The following RABGAP1L variants were observed in gnomAD, a reference collection of about 807,000 sequenced individuals.
The protein encoded by RABGAP1L is rab GTPase-activating protein 1-like.
Under a neutral mutation model 137.7 loss-of-function variants are expected in RABGAP1L, and 63 were observed. That is an observed-to-expected ratio of 0.46 (90% CI 0.37 to 0.56). RABGAP1L has a LOEUF of 0.56. Ranked by LOEUF, RABGAP1L falls within the 20% of genes least tolerant of loss-of-function variation. RABGAP1L has a pLI of 0.00. For synonymous variants in RABGAP1L, 431 were observed against 433.7 expected, an observed-to-expected ratio of 0.99 and a Z score of 0.08; for missense variants, 1,095 against 1,244.0, an observed-to-expected ratio of 0.88 and a Z score of 1.80.
intron 13 of RABGAP1L, among the ~76,000 whole-genome samples, chr1:174,503,412 A>G (rs1661509870): frequency 6.6e-6 from 1 of 152,190 alleles, no homozygotes; most frequent in Non-Finnish European, 1.5e-5. Flanking sequence ...CTGTAATCCC[A>G]GCACTTTGGG....
chr1:174,501,260 C>G (rs79708672), intron 13 of RABGAP1L, among the ~76,000 whole-genome samples: 1,804 of 150,428 alleles, frequency 0.012, 48 homozygotes, highest in African/African-American at 0.043. Flanking sequence ...ATCGCCCAGG[C>G]TAGAGTGCAC....
intron 19 of RABGAP1L, among the ~76,000 whole-genome samples, chr1:174,898,709 A>G (rs1657642371): frequency 6.6e-6 from 1 of 152,224 alleles, no homozygotes; most frequent in African/African-American, 2.4e-5. Flanking sequence ...GTCTATTGCA[A>G]GGATACTAAA....
intron 11 of RABGAP1L, among the ~76,000 whole-genome samples, chr1:174,361,521 G>T (rs1684143887): frequency 6.6e-6 from 1 of 151,912 alleles, no homozygotes. Context: ...TAATTTGTAT[G>T]TATTTAATTT....
chr1:174,273,191 T>G (rs1371530061), intron 8 of RABGAP1L, among the ~76,000 whole-genome samples: 1 of 152,092 alleles, frequency 6.6e-6, no homozygotes, highest in East Asian at 1.9e-4. Context: ...TTCTTCTTTT[T>G]AGCTGTGTTT....
intron 13 of RABGAP1L, among the ~76,000 whole-genome samples, chr1:174,585,172 G>A (rs1285425094): frequency 2.0e-5 from 3 of 152,034 alleles, no homozygotes; most frequent in East Asian, 3.8e-4. Context: ...TTTTTAAAAT[G>A]TGGCTACAGT....
chr1:174,956,743 G>C (rs755281480), intron 19 of RABGAP1L, among the ~76,000 whole-genome samples: 17 of 151,472 alleles, frequency 1.1e-4, no homozygotes, highest in Non-Finnish European at 1.9e-4. Flanking sequence ...AGCTTCCCAG[G>C]TTCAAGCCAG....
At chr1:174,272,603 A>G (rs1674649999) in intron 8 of RABGAP1L, 123 bp downstream of exon 8, 1 of 1,241,298 alleles carries the variant, frequency 8.1e-7, no homozygotes, top group East Asian at 3.1e-5. Context: ...GTGTGATAGT[A>G]ATAATTAAAT....
chr1:174,231,321 C>G lies in RABGAP1L; in HGVS notation c.508C>G (p.Leu170Val). The change falls in exon 4 of 26, where the codon CTG (leucine) becomes GTG (valine). Residue 170 changes from leucine to valine, a missense_variant. Physicochemically the swap from Leu to Val is conservative, Grantham distance 32 (BLOSUM62 1). Coordinates refer to ENST00000681986, the MANE Select transcript of RABGAP1L (RefSeq NM_001366446.1). ...CAGTCAATACCCCTTTCCTGTTACC[C>G]TGTATGTACCAAATGTTCCAGAAGG... The part of the protein sequence containing the change: ...SSSQYPFPVT[L>V]YVPNVPEGSV... 6.2e-7 allele frequency: 1 copy of G among 1,614,080 alleles called. No individual in the cohort carries two copies. The highest frequency in any genetic ancestry group is 8.5e-7 in the Non-Finnish European group (1 of 1,180,000).
At chr1:174,519,824 AAC>A (rs1272561560) in intron 13 of RABGAP1L, among the ~76,000 whole-genome samples, 1 of 152,190 alleles carries the variant, frequency 6.6e-6, no homozygotes, top group African/African-American at 2.4e-5. Context: ...GGCCTTTAAC[AAC>A]AGTTTGATTT....
intron 24 of RABGAP1L, among the ~76,000 whole-genome samples, chr1:174,985,935 T>C (rs1418406579): frequency 6.6e-5 from 10 of 151,750 alleles, no homozygotes; most frequent in Non-Finnish European, 1.5e-4. Flanking sequence ...CAATCCTTCC[T>C]TTCTTTTTTT....
intron 19 of RABGAP1L, chr1:174,893,114 T>C: frequency 2.9e-6 from 1 of 346,568 alleles, no homozygotes. Flanking sequence ...AAATTTTTTA[T>C]AATACATCAT....
intron 13 of RABGAP1L, among the ~76,000 whole-genome samples, chr1:174,511,663 C>G (rs1662355232): frequency 6.7e-6 from 1 of 149,986 alleles, no homozygotes; most frequent in Admixed American, 6.7e-5. Flanking sequence ...ACTCTTGTTG[C>G]CCAGGCTGGA....
At chr1:174,727,889 A>T (rs968694881) in intron 17 of RABGAP1L, among the ~76,000 whole-genome samples, 3 of 152,198 alleles carry the variant, frequency 2.0e-5, no homozygotes, top group African/African-American at 7.2e-5. Flanking sequence ...GGGTAATCTC[A>T]TGTGCCAGTC....
chr1:174,280,144 C>T (rs1005365527), intron 10 of RABGAP1L, among the ~76,000 whole-genome samples: 8 of 150,464 alleles, frequency 5.3e-5, no homozygotes, highest in Admixed American at 1.3e-4. Flanking sequence ...AGACCTGAGA[C>T]TATAACTCCT....
intron 21 of RABGAP1L, among the ~76,000 whole-genome samples, chr1:174,975,424 A>G (rs1388460909): frequency 1.3e-5 from 2 of 152,094 alleles, no homozygotes; most frequent in East Asian, 3.9e-4. Flanking sequence ...TAGAAATATG[A>G]TCTTTTCTTC....
intron 17 of RABGAP1L, among the ~76,000 whole-genome samples, chr1:174,746,177 T>C (rs768362542): frequency 1.9e-4 from 29 of 152,220 alleles, no homozygotes; most frequent in Non-Finnish European, 4.0e-4. Context: ...TCAGCTGTTA[T>C]TTTATGCAAG....
rs533282597 is a variant in RABGAP1L at position 174,990,450 on chromosome 1, T to C, written c.*449T>C. ...CTTAAGTTTTCAGGATTTATTCAGATAAAGCACACTGTGGGGCCAGGCATG... is the reference window on the plus strand; with the variant it reads ...CTTAAGTTTTCAGGATTTATTCAGACAAAGCACACTGTGGGGCCAGGCATG... On this transcript the variant is annotated 3_prime_UTR_variant, in exon 26 of 26. Transcript: ENST00000681986. 1.3e-5 allele frequency: 2 copies of C among 153,288 alleles called. No homozygotes were observed. The highest frequency in any genetic ancestry group is 4.8e-5 in the African/African-American group (2 of 41,544). The allele number at this position is 153,288 out of a possible 1,614,324, so 9.5% of individuals were successfully genotyped here.
chr1:174,635,828 A>T (rs944444519), intron 13 of RABGAP1L, among the ~76,000 whole-genome samples: 2 of 152,230 alleles, frequency 1.3e-5, no homozygotes, highest in Non-Finnish European at 2.9e-5. Flanking sequence ...GGCAGCAAGA[A>T]AGGGTAGTGG....
intron 5 of RABGAP1L, chr1:174,244,277 T>G (rs1228972467): frequency 6.6e-6 from 1 of 152,214 alleles, no homozygotes; most frequent in Non-Finnish European, 1.5e-5. Flanking sequence ...ACAAATTTAT[T>G]TTTTATTTTT....
Sources: gnomAD v4.1 joint callset for allele counts (sites outside exome capture counted in the v4.1 genomes callset) on GRCh38, gnomAD v4.1.1 for gene constraint, MANE v1.5 for transcripts, NCBI Gene and HGNC (gene_info 2026-07-23, HGNC 2026-07-21) for gene names.